Variants in DNAH7 observed in about 807,000 individuals in gnomAD.
The protein encoded by DNAH7 is axonemal beta dynein heavy chain 7.
A neutral mutation model predicts 444.6 loss-of-function variants in DNAH7; 397 were observed. The observed-to-expected ratio is 0.89, with a 90% CI of 0.82 to 0.97. The LOEUF is 0.97. Ranked by LOEUF, DNAH7 falls within the 50% of genes least tolerant of loss-of-function variation. DNAH7 has a pLI of 0.00. For synonymous variants in DNAH7, 1,636 were observed against 1,624.4 expected (o/e 1.01, Z -0.17); for missense variants, 4,902 against 4,800.8 (o/e 1.02, Z -0.62).
chr2:195,746,546 T>C (rs1002628853), intron 63 of DNAH7, among the ~76,000 whole-genome samples: 2 of 152,250 alleles, frequency 1.3e-5, no homozygotes, highest in South Asian at 4.2e-4. Flanking sequence ...AATATACATT[T>C]TTTTCAGCAC....
intron 15 of DNAH7, among the ~76,000 whole-genome samples, chr2:195,977,392 T>C (rs902119046): frequency 2.6e-5 from 4 of 152,220 alleles, no homozygotes; most frequent in African/African-American, 9.6e-5. Context: ...TAGCAGAGTT[T>C]ATCAAAAAGA....
In DNAH7 at chr2:196,026,764, G is replaced by T; in HGVS notation, c.663C>A (p.Ser221=). The change falls in exon 7 of 65, where the codon TCC becomes TCA. Residue 221 remains serine (S), a synonymous_variant. Transcript: ENST00000312428. Reference sequence around the variant, plus strand: ...CAAAGCATAATACCAATTTACCTATGGATTTCCTTACACTAAGAAGATAAT... The same window carrying T: ...CAAAGCATAATACCAATTTACCTATTGATTTCCTTACACTAAGAAGATAAT... ...REDYLLSVRK[S]IVDFVLKDPR... is the part of the protein sequence containing the mutation. 6.2e-7 allele frequency: 1 copy of T among 1,602,210 alleles called. No homozygotes were observed. Among genetic ancestry groups the T allele is most frequent in the Non-Finnish European group, 8.5e-7 (1 of 1,171,994 alleles).
At chr2:195,862,132 C>G (rs1700055484) in intron 41 of DNAH7, among the ~76,000 whole-genome samples, 186 bp from the exon 42 acceptor site, 1 of 152,010 alleles carries the variant, frequency 6.6e-6, no homozygotes, top group South Asian at 2.1e-4. Context: ...GAGCCAGGAG[C>G]TAGTTAGTGC....
At chr2:195,745,085 G>C (rs189572094) in intron 63 of DNAH7, among the ~76,000 whole-genome samples, 122 of 152,238 alleles carry the variant, frequency 8.0e-4, no homozygotes, top group African/African-American at 2.6e-3. Context: ...CAAACCAAAG[G>C]CAAAGAAGTT....
At chr2:195,770,396 G>A (rs982263517) in intron 61 of DNAH7, among the ~76,000 whole-genome samples, 5 of 152,096 alleles carry the variant, frequency 3.3e-5, no homozygotes, top group Non-Finnish European at 7.4e-5. Flanking sequence ...ACACCATCAC[G>A]ATCCAGCCTC....
chr2:195,967,162 AT>A (rs1691535657), intron 17 of DNAH7, among the ~76,000 whole-genome samples: 1 of 152,148 alleles, frequency 6.6e-6, no homozygotes, highest in Non-Finnish European at 1.5e-5. Context: ...AAGCTTGAAA[AT>A]AATATCTTAT....
In DNAH7 at chr2:195,756,136, C is replaced by G. The variant is rs749597324; in HGVS notation, c.11583G>C (p.Leu3861Phe). 1 of 1,594,504 alleles carries G rather than the reference C, an allele frequency of 6.3e-7. No individual in the cohort carries two copies. The highest frequency in any genetic ancestry group is 1.1e-5 in the South Asian group (1 of 88,248). Reference sequence around the variant, plus strand: ...ACGATCATTTAGACGAACTTACCTGCAAGAATTTTAGTCTTGCAAGGAAGT... The same window carrying G: ...ACGATCATTTAGACGAACTTACCTGGAAGAATTTTAGTCTTGCAAGGAAGT... ...VNDFLARLKFLQQWYEVGPPP... is the reference protein window; with the variant it reads ...VNDFLARLKFFQQWYEVGPPP... Residue 3861 changes from leucine (L) to phenylalanine (F), a missense_variant, in exon 62 of 65, where the codon TTG (leucine) becomes TTC (phenylalanine). Transcript: ENST00000312428.
At chr2:195,874,538 T>A (rs1395114204) in intron 38 of DNAH7, among the ~76,000 whole-genome samples, 3 of 149,264 alleles carry the variant, frequency 2.0e-5, no homozygotes, top group African/African-American at 7.5e-5. Context: ...TGGCTTGGGG[T>A]GGTGGGGGAG....
chr2:196,036,622 TCCAGGGA>T (rs1181015588), intron 5 of DNAH7, among the ~76,000 whole-genome samples: 4 of 151,656 alleles, frequency 2.6e-5, no homozygotes, highest in African/African-American at 9.7e-5. Flanking sequence ...CACCTGGGGG[TCCAGGGA>T]CCAGCCTGCC....
At chr2:195,891,835 T>A in intron 30 of DNAH7, 31 bp from the exon 31 acceptor site, 3 of 1,504,828 alleles carry the variant, frequency 2.0e-6, no homozygotes, top group Non-Finnish European at 1.8e-6. Context: ...TTTATTTATG[T>A]AAAGAATACT....
rs527296932 is a variant in DNAH7 at position 195,852,935 on chromosome 2, G to C, written c.8781+408C>G. Among the ~76,000 whole-genome samples the C allele has an allele frequency of 3.3e-5, 5 of 150,614 alleles. No homozygotes were observed. The South Asian group carries it at 1.0e-3, about 32-fold the overall frequency. Reference sequence around the variant, plus strand: ...ACACACAGAGAGAGAGAGAGAGAGAGAGAGAGAGAGAGACAGAGTTCTGAT... The same window carrying C: ...ACACACAGAGAGAGAGAGAGAGAGACAGAGAGAGAGAGACAGAGTTCTGAT... On this transcript the variant is annotated intron_variant, in intron 46 of 64. Coordinates refer to ENST00000312428, the MANE Select transcript of DNAH7 (RefSeq NM_018897.3).
chr2:195,965,027 T>C (rs1219599642), intron 17 of DNAH7, among the ~76,000 whole-genome samples: 2 of 152,200 alleles, frequency 1.3e-5, no homozygotes, highest in South Asian at 2.1e-4. Context: ...AAAGTGGGCA[T>C]CCTTGATGTG....
chr2:196,015,527 G>A (rs1694966538), intron 9 of DNAH7, among the ~76,000 whole-genome samples: 1 of 151,918 alleles, frequency 6.6e-6, no homozygotes, highest in Non-Finnish European at 1.5e-5. Flanking sequence ...CTTCATATAC[G>A]CATTATTTTA....
intron 41 of DNAH7, among the ~76,000 whole-genome samples, chr2:195,863,487 C>T (rs1379139600): frequency 2.6e-5 from 4 of 152,168 alleles, no homozygotes; most frequent in Admixed American, 6.5e-5. Flanking sequence ...CCCATCCATT[C>T]GCTGCCTTTT....
intron 5 of DNAH7, among the ~76,000 whole-genome samples, chr2:196,041,990 T>A (rs1354503153): frequency 6.6e-6 from 1 of 151,916 alleles, no homozygotes; most frequent in Non-Finnish European, 1.5e-5. Context: ...ACCAGGGAAA[T>A]GCAAAGCAAA....
At chr2:195,750,781 G>T (rs761435403) in intron 63 of DNAH7, among the ~76,000 whole-genome samples, 2 of 152,210 alleles carry the variant, frequency 1.3e-5, no homozygotes, top group Non-Finnish European at 2.9e-5. Flanking sequence ...GGGCAGCCCA[G>T]CAGTGGTACA....
chr2:195,849,852 C>A (rs894740989), intron 46 of DNAH7, among the ~76,000 whole-genome samples: 6 of 152,174 alleles, frequency 3.9e-5, no homozygotes, highest in Admixed American at 2.6e-4. Context: ...ATCGGCACAC[C>A]TCAGCCTCCC....
chr2:195,837,492 T>C (rs2124974096), intron 47 of DNAH7, among the ~76,000 whole-genome samples: 1 of 152,250 alleles, frequency 6.6e-6, no homozygotes, highest in African/African-American at 2.4e-5. Context: ...TTATCAGTAA[T>C]GGGGTAGTGA....
chr2:196,036,989 G>C (rs1696435739), intron 5 of DNAH7, among the ~76,000 whole-genome samples: 1 of 151,754 alleles, frequency 6.6e-6, no homozygotes, highest in Non-Finnish European at 1.5e-5. Flanking sequence ...TGCCCTCCAT[G>C]AGTCATACCA....
Sources: gnomAD v4.1 joint callset for allele counts (sites outside exome capture counted in the v4.1 genomes callset) on GRCh38, gnomAD v4.1.1 for gene constraint, MANE v1.5 for transcripts, NCBI Gene and HGNC (gene_info 2026-07-23, HGNC 2026-07-21) for gene names.